Variants in XKR4 observed in about 807,000 individuals in gnomAD.
The protein encoded by XKR4 is XK-related protein 4.
A neutral mutation model predicts 53.9 loss-of-function variants in XKR4; 12 were observed. That is an observed-to-expected ratio of 0.22 (90% CI 0.14 to 0.36). The LOEUF is 0.36. Among genes scored for constraint, XKR4 ranks in the 10% least tolerant of loss-of-function variants. The probability of loss-of-function intolerance (pLI) is 1.00; values close to 1 mark genes in which losing one functional copy is unlikely to be tolerated. For synonymous variants in XKR4, 354 were observed against 362.4 expected (o/e 0.98, Z 0.26); for missense variants, 799 against 859.5 (o/e 0.93, Z 0.88).
At chr8:55,168,815 G>T (rs12548356) in intron 1 of XKR4, among the ~76,000 whole-genome samples, 4,906 of 152,158 alleles carry the variant, frequency 0.032, 208 homozygotes, top group East Asian at 0.12. Flanking sequence ...CTGCCTTTAT[G>T]TTACAAATGC....
intron 2 of XKR4, among the ~76,000 whole-genome samples, chr8:55,437,700 T>C (rs1323213369): frequency 6.6e-6 from 1 of 152,188 alleles, no homozygotes; most frequent in Non-Finnish European, 1.5e-5. Context: ...TGCATACTGG[T>C]ATAGATATGG....
intron 1 of XKR4, among the ~76,000 whole-genome samples, chr8:55,256,579 T>G (rs1818441612): frequency 6.6e-6 from 1 of 152,232 alleles, no homozygotes; most frequent in African/African-American, 2.4e-5. Context: ...GTTCTTCATT[T>G]GCATGACTAG....
At chr8:55,516,123 C>T (rs1169112360) in intron 2 of XKR4, among the ~76,000 whole-genome samples, 2 of 152,216 alleles carry the variant, frequency 1.3e-5, no homozygotes, top group African/African-American at 2.4e-5. Context: ...TGCACAAAGG[C>T]TGTAGTTGCC....
In XKR4 at chr8:55,229,586, T is replaced by G. The variant is rs547504306; in HGVS notation, c.806+126292T>G. ...AAGGAAAGAATTGAACATTATTTCT[T>G]TCATGTAAAAACTTCTGATTCCTCC... On this transcript the variant is annotated intron_variant, in intron 1 of 2. Coordinates refer to ENST00000327381, the MANE Select transcript of XKR4 (RefSeq NM_052898.2). Among the ~76,000 whole-genome samples the G allele has an allele frequency of 7.9e-5, 12 of 152,354 alleles. No homozygotes were observed. In the South Asian group the frequency reaches 1.4e-3, roughly 18 times the overall value.
chr8:55,512,534 A>G (rs1002139467), intron 2 of XKR4, among the ~76,000 whole-genome samples: 1 of 152,072 alleles, frequency 6.6e-6, no homozygotes, highest in Non-Finnish European at 1.5e-5. Context: ...TCTTCTCTAC[A>G]CTGCTCACTA....
At chr8:55,184,530 T>C (rs1000863627) in intron 1 of XKR4, among the ~76,000 whole-genome samples, 3 of 152,220 alleles carry the variant, frequency 2.0e-5, no homozygotes, top group Non-Finnish European at 2.9e-5. Context: ...TACCAAGCCT[T>C]GACTTTTCAC....
At chr8:55,476,414 G>A (rs1306086021) in intron 2 of XKR4, among the ~76,000 whole-genome samples, 1 of 152,110 alleles carries the variant, frequency 6.6e-6, no homozygotes, top group Non-Finnish European at 1.5e-5. Flanking sequence ...TTGCATGTTA[G>A]AAATAAACAC....
intron 1 of XKR4, among the ~76,000 whole-genome samples, chr8:55,323,560 G>T (rs1173136789): frequency 6.6e-6 from 1 of 152,156 alleles, no homozygotes; most frequent in Non-Finnish European, 1.5e-5. Flanking sequence ...GTATTCTATT[G>T]TGTGGATGTA....
chr8:55,333,570 T>G (rs562589829), intron 1 of XKR4, among the ~76,000 whole-genome samples: 1 of 152,300 alleles, frequency 6.6e-6, no homozygotes, highest in South Asian at 2.1e-4. Context: ...ATTGTATTTC[T>G]CAATCAGTAA....
intron 1 of XKR4, among the ~76,000 whole-genome samples, chr8:55,108,976 T>C (rs534881504): frequency 1.3e-5 from 2 of 152,222 alleles, no homozygotes; most frequent in African/African-American, 2.4e-5. Flanking sequence ...GATGATGAGG[T>C]AGAAGAGAAG....
intron 1 of XKR4, among the ~76,000 whole-genome samples, chr8:55,108,090 C>A (rs1209729064): frequency 6.6e-6 from 1 of 152,134 alleles, no homozygotes; most frequent in Non-Finnish European, 1.5e-5. Flanking sequence ...GTAAGACTCT[C>A]TGGAAGAGGG....
intron 1 of XKR4, among the ~76,000 whole-genome samples, chr8:55,200,812 T>C (rs1043038716): frequency 6.6e-6 from 1 of 152,210 alleles, no homozygotes; most frequent in African/African-American, 2.4e-5. Flanking sequence ...GAAACAGTAA[T>C]GTTTTAATAT....
chr8:55,432,725 T>C (rs1015505520), intron 2 of XKR4, among the ~76,000 whole-genome samples: 9 of 152,230 alleles, frequency 5.9e-5, no homozygotes. Flanking sequence ...GGAGGCCTTC[T>C]TGTCTGCCTT....
intron 2 of XKR4, among the ~76,000 whole-genome samples, chr8:55,384,664 G>A (rs1804284301): frequency 6.6e-6 from 1 of 152,208 alleles, no homozygotes; most frequent in Admixed American, 6.5e-5. Context: ...AACACAGTGA[G>A]GTGGAGACAT....
chr8:55,494,781 G>A (rs899950447), intron 2 of XKR4, among the ~76,000 whole-genome samples: 1 of 152,144 alleles, frequency 6.6e-6, no homozygotes, highest in African/African-American at 2.4e-5. Flanking sequence ...ACCTCAGACG[G>A]GAGGAAGTGC....
At chr8:55,186,784 T>G (rs1817384530) in intron 1 of XKR4, among the ~76,000 whole-genome samples, 1 of 152,192 alleles carries the variant, frequency 6.6e-6, no homozygotes, top group Non-Finnish European at 1.5e-5. Context: ...TAATAATATA[T>G]CCTGTTTTTC....
chr8:55,486,982 A>T (rs758757585), intron 2 of XKR4, among the ~76,000 whole-genome samples: 5 of 152,212 alleles, frequency 3.3e-5, no homozygotes, highest in Admixed American at 6.5e-5. Flanking sequence ...GAACCAATAG[A>T]ATATGTATAT....
At position 55,339,658 on chromosome 8, in the gene XKR4, G is replaced by C. The variant is rs564392523; in HGVS notation, c.807-18020G>C. 1.8e-3 allele frequency among the ~76,000 whole-genome samples: 268 copies of C among 152,244 alleles called. 1 individual carries two copies. The highest frequency in any genetic ancestry group is 6.3e-3 in the African/African-American group (262 of 41,552). ...AATACTAGGCTTTCATAAAACAGGA[G>C]GACGTAGGCAGTCCTTCGTTATCTG... On this transcript the variant is annotated intron_variant, in intron 1 of 2. Transcript: ENST00000327381.
intron 1 of XKR4, among the ~76,000 whole-genome samples, chr8:55,295,718 G>A (rs16921566): frequency 0.031 from 4,738 of 152,226 alleles, 103 homozygotes; most frequent in Non-Finnish European, 0.05. Flanking sequence ...TTTTGGCTAG[G>A]ACTGTGTCTC....
Sources: gnomAD v4.1 joint callset for allele counts (sites outside exome capture counted in the v4.1 genomes callset) on GRCh38, gnomAD v4.1.1 for gene constraint, MANE v1.5 for transcripts, NCBI Gene and HGNC (gene_info 2026-07-23, HGNC 2026-07-21) for gene names.